Variants in GPC5 observed in about 807,000 individuals in gnomAD.
The protein encoded by GPC5 is glypican-5.
A neutral mutation model predicts 53.9 loss-of-function variants in GPC5; 47 were observed. That is an observed-to-expected ratio of 0.87 (90% confidence interval 0.69 to 1.11). The LOEUF is 1.11. Among genes scored for constraint, GPC5 ranks in the 50% most tolerant of loss-of-function variants. GPC5 has a pLI of 0.00. For missense variants in GPC5, 748 were observed against 713.1 expected (o/e 1.05, Z -0.56); for synonymous variants, 286 against 263.3 (o/e 1.09, Z -0.84).
At chr13:91,933,023 G>C (rs2039836140) in intron 6 of GPC5, among the ~76,000 whole-genome samples, 1 of 151,982 alleles carries the variant, frequency 6.6e-6, no homozygotes, top group African/African-American at 2.4e-5. Context: ...AATTTTTAAA[G>C]TGGCATTACA....
chr13:92,683,446 C>T (rs575642015), intron 7 of GPC5, among the ~76,000 whole-genome samples: 10 of 152,240 alleles, frequency 6.6e-5, no homozygotes, highest in South Asian at 2.1e-4. Context: ...TGAAGAACCG[C>T]TACTTATGGC....
intron 7 of GPC5, among the ~76,000 whole-genome samples, chr13:92,782,191 T>G (rs1164371153): frequency 1.3e-5 from 2 of 152,070 alleles, no homozygotes; most frequent in Non-Finnish European, 2.9e-5. Flanking sequence ...ACCATTCATC[T>G]CCTTAGGATA....
intron 5 of GPC5, among the ~76,000 whole-genome samples, chr13:91,827,485 G>T (rs2038592983): frequency 6.6e-6 from 1 of 151,682 alleles, no homozygotes; most frequent in Admixed American, 6.6e-5. Context: ...AAAGACAAAT[G>T]AATAGAAGAA....
Position 91,691,528 on chromosome 13 carries a change from C to T in GPC5, c.326-1659C>T, listed in dbSNP as rs142003425. Among the ~76,000 whole-genome samples, 101 of 152,258 alleles carry T rather than the reference C, an allele frequency of 6.6e-4. 1 individual carries two copies. The highest frequency in any genetic ancestry group is 4.1e-3 in the South Asian group (20 of 4,824). ...CTAGTTACTAGCGATGCACAGGTAA[C>T]ACATGAGCTCTACCTAACAATTTAT... On this transcript the variant is annotated intron_variant, in intron 2 of 7. Coordinates refer to ENST00000377067, the MANE Select transcript of GPC5 (RefSeq NM_004466.6).
chr13:91,752,212 T>G (rs1188853987), intron 4 of GPC5, among the ~76,000 whole-genome samples: 1 of 152,182 alleles, frequency 6.6e-6, no homozygotes, highest in Non-Finnish European at 1.5e-5. Context: ...TTTTTAATTT[T>G]TAAAATTTTA....
intron 6 of GPC5, among the ~76,000 whole-genome samples, chr13:92,124,235 C>T (rs574467748): frequency 5.3e-5 from 7 of 132,016 alleles, no homozygotes; most frequent in African/African-American, 1.7e-4. Context: ...CCCATCTTAA[C>T]TCCGGACAGA....
At chr13:92,137,536 C>T (rs2041794591) in intron 6 of GPC5, among the ~76,000 whole-genome samples, 1 of 152,192 alleles carries the variant, frequency 6.6e-6, no homozygotes, top group African/African-American at 2.4e-5. Context: ...TAACTGAATA[C>T]TCATAATGTG....
At chr13:92,797,115 A>G (rs1008030616) in intron 7 of GPC5, among the ~76,000 whole-genome samples, 1 of 151,934 alleles carries the variant, frequency 6.6e-6, no homozygotes, top group African/African-American at 2.4e-5. Flanking sequence ...ACCTTGATTC[A>G]TTACTTTTAA....
At chr13:92,448,710 T>C (rs1877933977) in intron 7 of GPC5, 1 of 151,830 alleles carries the variant, frequency 6.6e-6, no homozygotes, top group African/African-American at 2.4e-5. Context: ...CATTTCTTTT[T>C]GTTGAGTTTA....
intron 7 of GPC5, among the ~76,000 whole-genome samples, chr13:92,668,136 A>G (rs1283928889): frequency 2.6e-5 from 4 of 152,228 alleles, no homozygotes; most frequent in Non-Finnish European, 5.9e-5. Flanking sequence ...AAATTGTTAA[A>G]TAAATGTTTG....
intron 2 of GPC5, among the ~76,000 whole-genome samples, chr13:91,560,499 C>A (rs569339844): frequency 2.6e-5 from 4 of 151,936 alleles, no homozygotes; most frequent in Admixed American, 6.6e-5. Context: ...CAGAGACATG[C>A]CAGTAATCAC....
intron 2 of GPC5, among the ~76,000 whole-genome samples, chr13:91,514,094 A>G (rs564952115): frequency 1.3e-5 from 2 of 152,362 alleles, no homozygotes; most frequent in Admixed American, 1.3e-4. Context: ...TTTTCAGTAA[A>G]GCTATTGTGA....
intron 5 of GPC5, among the ~76,000 whole-genome samples, chr13:91,898,099 A>G (rs2039462211): frequency 6.6e-6 from 1 of 152,196 alleles, no homozygotes; most frequent in Non-Finnish European, 1.5e-5. Context: ...GTAAAATACC[A>G]TCATGCAGGC....
At chr13:92,222,908 A>T (rs2042459787) in intron 7 of GPC5, among the ~76,000 whole-genome samples, 1 of 152,212 alleles carries the variant, frequency 6.6e-6, no homozygotes, top group South Asian at 2.1e-4. Flanking sequence ...AAATATCAGT[A>T]TGTACCAGCT....
At chr13:92,527,218 A>AGAAAG (rs1881366434) in intron 7 of GPC5, among the ~76,000 whole-genome samples, 6 of 36,930 alleles carry the variant, frequency 1.6e-4, no homozygotes, top group East Asian at 1.9e-3. Flanking sequence ...AGAAAGAAAG[A>AGAAAG]AAGAAAGAAA....
intron 7 of GPC5, among the ~76,000 whole-genome samples, chr13:92,300,355 C>T (rs2043067188): frequency 2.6e-5 from 4 of 152,156 alleles, no homozygotes; most frequent in Admixed American, 1.3e-4. Flanking sequence ...ACTTTAGCTA[C>T]AGTAGAATCA....
chr13:91,715,759 T>A (rs1172957728), intron 3 of GPC5, among the ~76,000 whole-genome samples: 1 of 151,136 alleles, frequency 6.6e-6, no homozygotes, highest in Non-Finnish European at 1.5e-5. Flanking sequence ...TTTTTTTTTT[T>A]TTAAGATAGG....
intron 5 of GPC5, among the ~76,000 whole-genome samples, chr13:91,847,445 A>G (rs1456748784): frequency 6.6e-6 from 1 of 152,068 alleles, no homozygotes; most frequent in Non-Finnish European, 1.5e-5. Flanking sequence ...TCAACTGAAA[A>G]AAATGCTGTC....
At chr13:92,664,843 A>G (rs1049793040) in intron 7 of GPC5, among the ~76,000 whole-genome samples, 9 of 152,304 alleles carry the variant, frequency 5.9e-5, no homozygotes, top group African/African-American at 9.6e-5. Context: ...CTAAGAATCA[A>G]TCTAGATGAC....
Sources: allele counts gnomAD v4.1 joint callset (sites outside exome capture counted in the v4.1 genomes callset), GRCh38; gene constraint gnomAD v4.1.1; transcripts MANE v1.5; gene names NCBI Gene and HGNC (gene_info 2026-07-23, HGNC 2026-07-21).